Variants in KANSL1L observed in about 807,000 individuals in gnomAD.
KANSL1L encodes KAT8 regulatory NSL complex subunit 1 like.
In KANSL1L, 25 loss-of-function variants were observed where a neutral mutation model predicts 108.6. The ratio of observed to expected loss-of-function variants is 0.23; its 90% CI spans 0.17 to 0.32. The LOEUF (loss-of-function observed/expected upper bound fraction) is 0.32, where lower values mean the gene tolerates loss of function less well. Among genes scored for constraint, KANSL1L ranks in the 10% least tolerant of loss-of-function variants. The pLI is 1.00. For synonymous variants in KANSL1L, 405 were observed against 395.1 expected, an observed-to-expected ratio of 1.03 and a Z score of -0.30; for missense variants, 1,137 against 1,125.7, an observed-to-expected ratio of 1.01 and a Z score of -0.14.
chr2:210,050,100 G>A lies in KANSL1L; in HGVS notation c.1756-5996C>T, dbSNP rs145408110. ...CTGTCATTTGCAGAACAGAATGCCA[G>A]AAAAGAAGTTAAGCCTAGAAAGGCT... On this transcript the variant is annotated intron_variant, in intron 6 of 14. Transcript: ENST00000281772. Among the ~76,000 whole-genome samples, 890 of 152,324 alleles carry A rather than the reference G, an allele frequency of 5.8e-3. 6 individuals carry two copies. Among genetic ancestry groups the A allele is most frequent in the Non-Finnish European group, 0.011 (715 of 68,024 alleles).
At chr2:210,131,597 T>C (rs2095120668) in intron 2 of KANSL1L, among the ~76,000 whole-genome samples, 2 of 152,200 alleles carry the variant, frequency 1.3e-5, no homozygotes, top group African/African-American at 4.8e-5. Context: ...ATCATTGTTA[T>C]GATGTTCATA....
At chr2:210,110,697 G>T (rs1274111210) in intron 3 of KANSL1L, among the ~76,000 whole-genome samples, 1 of 152,070 alleles carries the variant, frequency 6.6e-6, no homozygotes, top group Admixed American at 6.6e-5. Flanking sequence ...CAATCTATGA[G>T]AATTTCACAA....
intron 6 of KANSL1L, among the ~76,000 whole-genome samples, chr2:210,051,844 A>G (rs1401248236): frequency 6.6e-6 from 1 of 152,162 alleles, no homozygotes; most frequent in Non-Finnish European, 1.5e-5. Flanking sequence ...GGGCCTTATC[A>G]AACTGAAGAC....
At chr2:210,152,267 A>C (rs1262117419) in intron 2 of KANSL1L, 1 of 152,216 alleles carries the variant, frequency 6.6e-6, no homozygotes, top group Non-Finnish European at 1.5e-5. Context: ...ATCCCCTGAA[A>C]ACTAAATTAA....
chr2:210,132,467 T>C (rs1360974061), intron 2 of KANSL1L, among the ~76,000 whole-genome samples: 1 of 152,178 alleles, frequency 6.6e-6, no homozygotes, highest in Non-Finnish European at 1.5e-5. Flanking sequence ...GGAGACCACC[T>C]GGACAGTGAC....
intron 1 of KANSL1L, among the ~76,000 whole-genome samples, chr2:210,163,110 G>GA (rs1327059141): frequency 6.6e-6 from 1 of 152,098 alleles, no homozygotes; most frequent in African/African-American, 2.4e-5. Context: ...GCTTTCAAGA[G>GA]AAAACGACAA....
At chr2:210,040,566 C>T in intron 7 of KANSL1L, 39 bp from the exon 8 acceptor site, 2 of 895,880 alleles carry the variant, frequency 2.2e-6, no homozygotes, top group Admixed American at 2.5e-5. Flanking sequence ...TCAAATACCA[C>T]TCTTTGTAAT....
At chr2:210,078,010 A>T (rs895486763) in intron 5 of KANSL1L, among the ~76,000 whole-genome samples, 2 of 152,214 alleles carry the variant, frequency 1.3e-5, no homozygotes, top group African/African-American at 4.8e-5. Flanking sequence ...TTGTGTGAAC[A>T]CCATTGAGTG....
chr2:210,166,404 A>C (rs968059350), intron 1 of KANSL1L, among the ~76,000 whole-genome samples: 2 of 152,146 alleles, frequency 1.3e-5, no homozygotes, highest in Non-Finnish European at 2.9e-5. Context: ...ATTTTTGACA[A>C]ACTTTCTAAA....
At chr2:210,106,523 C>T (rs1265670575) in intron 3 of KANSL1L, among the ~76,000 whole-genome samples, 1 of 152,010 alleles carries the variant, frequency 6.6e-6, no homozygotes, top group Non-Finnish European at 1.5e-5. Context: ...AATCCTAGCA[C>T]TTTGGGAGGG....
chr2:210,116,288 A>C (rs1055468950), intron 3 of KANSL1L, among the ~76,000 whole-genome samples: 1 of 152,298 alleles, frequency 6.6e-6, no homozygotes, highest in Middle Eastern at 3.4e-3. Context: ...GTGGAGTCCC[A>C]AGATGGCATC....
At chr2:210,027,592 C>T (rs547025734) in intron 11 of KANSL1L, among the ~76,000 whole-genome samples, 13 of 152,158 alleles carry the variant, frequency 8.5e-5, no homozygotes, top group Non-Finnish European at 1.8e-4. Flanking sequence ...GCATTTTATA[C>T]ATAATAATTA....
chr2:210,111,853 A>C (rs1440771371), intron 3 of KANSL1L, among the ~76,000 whole-genome samples: 2 of 151,890 alleles, frequency 1.3e-5, no homozygotes, highest in African/African-American at 4.8e-5. Context: ...ATTTAGCATT[A>C]GGTATACCTC....
intron 7 of KANSL1L, among the ~76,000 whole-genome samples, chr2:210,041,459 A>G (rs1176526552): frequency 6.6e-6 from 1 of 152,212 alleles, no homozygotes; most frequent in Non-Finnish European, 1.5e-5. Flanking sequence ...TTCTTGAGAC[A>G]GGGACTGGCT....
intron 6 of KANSL1L, among the ~76,000 whole-genome samples, chr2:210,057,874 C>T (rs2094370809): frequency 1.3e-5 from 2 of 152,208 alleles, no homozygotes; most frequent in Admixed American, 1.3e-4. Flanking sequence ...TTAATCCCGT[C>T]ATCTTCGTAA....
chr2:210,099,117 A>G (rs2094768040), intron 4 of KANSL1L, among the ~76,000 whole-genome samples: 1 of 152,120 alleles, frequency 6.6e-6, no homozygotes, highest in Non-Finnish European at 1.5e-5. Flanking sequence ...ACATTTAGGT[A>G]TATATTTCTC....
intron 3 of KANSL1L, among the ~76,000 whole-genome samples, chr2:210,126,016 A>G (rs1188261778): frequency 6.6e-6 from 1 of 152,206 alleles, no homozygotes; most frequent in African/African-American, 2.4e-5. Context: ...ATGGCATCCA[A>G]ACTGTAAAAG....
chr2:210,109,702 T>C (rs1171320462), intron 3 of KANSL1L, among the ~76,000 whole-genome samples: 3 of 152,106 alleles, frequency 2.0e-5, no homozygotes, highest in African/African-American at 4.8e-5. Flanking sequence ...AGGCCCTAAT[T>C]TGTGCTTCCT....
At chr2:210,166,135 T>C (rs1011871948) in intron 1 of KANSL1L, among the ~76,000 whole-genome samples, 1 of 152,174 alleles carries the variant, frequency 6.6e-6, no homozygotes, top group Non-Finnish European at 1.5e-5. Flanking sequence ...ATAAAAGGTC[T>C]TGCCCTGTTG....
Sources: gnomAD v4.1 joint callset for allele counts (sites outside exome capture counted in the v4.1 genomes callset) on GRCh38, gnomAD v4.1.1 for gene constraint, MANE v1.5 for transcripts, NCBI Gene and HGNC (gene_info 2026-07-23, HGNC 2026-07-21) for gene names.